The following PKHD1 variants were observed in gnomAD, a reference collection of about 807,000 sequenced individuals.
PKHD1 encodes the protein PKHD1 ciliary IPT domain containing fibrocystin/polyductin, also known as fibrocystin.
A neutral mutation model predicts 412.0 loss-of-function variants in PKHD1; 291 were observed. The observed-to-expected ratio is 0.71, with a 90% CI of 0.64 to 0.78. The LOEUF is 0.78. Among genes scored for constraint, PKHD1 ranks in the 30% least tolerant of loss-of-function variants. The pLI is 0.00. For synonymous variants in PKHD1, 1,777 were observed against 1,821.5 expected (o/e 0.98, Z 0.62); for missense variants, 4,825 against 4,950.7 (o/e 0.97, Z 0.76).
intron 57 of PKHD1, 102 bp from the exon 58 acceptor site, chr6:51,748,767 T>G: frequency 1.1e-6 from 1 of 943,674 alleles, no homozygotes; most frequent in Non-Finnish European, 1.7e-6. Context: ...TTAATGAAAA[T>G]GTAAGTTTAT....
intron 32 of PKHD1, among the ~76,000 whole-genome samples, chr6:52,024,138 G>A (rs1042279025): frequency 2.0e-5 from 3 of 152,148 alleles, no homozygotes; most frequent in Non-Finnish European, 4.4e-5. Context: ...GCTTATTATT[G>A]TTGAAATATG....
rs1278944159 is a variant in PKHD1 at position 52,017,646 on chromosome 6, C to T, written c.5381-17G>A. The T allele has an allele frequency of 1.3e-6, 2 of 1,599,070 alleles. No individual in the cohort carries two copies. The highest frequency in any genetic ancestry group is 1.3e-5 in the African/African-American group (1 of 74,706). On this transcript the variant is annotated splice_polypyrimidine_tract_variant and intron_variant, in intron 33 of 66. Coordinates refer to ENST00000371117, the MANE Select transcript of PKHD1 (RefSeq NM_138694.4). ...CCAAGGACACTGCAGGAAACAGTCA[C>T]CATTAGGAAAGAACCACAGAGAGAA... is the stretch of plus-strand genomic sequence containing the variant.
chr6:52,015,732 G>A (rs1800441397), intron 34 of PKHD1, among the ~76,000 whole-genome samples: 1 of 151,982 alleles, frequency 6.6e-6, no homozygotes, highest in African/African-American at 2.4e-5. Context: ...GCTGAGGCAG[G>A]AGAATGGCTT....
At chr6:51,794,425 C>T (rs188438773) in intron 52 of PKHD1, among the ~76,000 whole-genome samples, 6 of 152,144 alleles carry the variant, frequency 3.9e-5, no homozygotes, top group Non-Finnish European at 5.9e-5. Flanking sequence ...GGATATTAGA[C>T]GTTTGTCAGA....
At chr6:51,926,908 A>G (rs1467561907) in intron 37 of PKHD1, among the ~76,000 whole-genome samples, 4 of 152,188 alleles carry the variant, frequency 2.6e-5, no homozygotes, top group Non-Finnish European at 1.5e-5. Context: ...TGCTCAAAAG[A>G]GAGAAACACT....
intron 36 of PKHD1, among the ~76,000 whole-genome samples, chr6:51,941,632 C>T (rs1218351723): frequency 6.6e-6 from 1 of 151,668 alleles, no homozygotes; most frequent in Non-Finnish European, 1.5e-5. Context: ...ACAAGGCTTA[C>T]AGGTTAGTTC....
chr6:51,926,127 G>A (rs1418098540), intron 37 of PKHD1, among the ~76,000 whole-genome samples: 2 of 152,164 alleles, frequency 1.3e-5, no homozygotes, highest in Admixed American at 1.3e-4. Context: ...AAGGAGCAAT[G>A]TCAAACGGTG....
intron 2 of PKHD1, 23 bp downstream of exon 2, chr6:52,084,859 C>G: frequency 6.8e-7 from 1 of 1,466,468 alleles, no homozygotes; most frequent in Non-Finnish European, 9.6e-7. Flanking sequence ...ACCTATAATT[C>G]CTTCAAAACA....
chr6:51,750,291 C>T (rs1327253465), intron 57 of PKHD1, among the ~76,000 whole-genome samples: 1 of 152,158 alleles, frequency 6.6e-6, no homozygotes, highest in African/African-American at 2.4e-5. Context: ...ATTTCTTGGG[C>T]AATATCCCTC....
At chr6:52,080,070 C>G in intron 4 of PKHD1, 62 bp from the exon 5 acceptor site, 1 of 926,236 alleles carries the variant, frequency 1.1e-6, no homozygotes, top group South Asian at 1.3e-5. Context: ...AGCTAGCAGC[C>G]CACTTGCCAC....
intron 11 of PKHD1, among the ~76,000 whole-genome samples, chr6:52,066,579 C>T (rs1809739099): frequency 6.6e-6 from 1 of 152,114 alleles, no homozygotes; most frequent in African/African-American, 2.4e-5. Flanking sequence ...CACCTCATAC[C>T]CAGTTCTTTC....
intron 21 of PKHD1, 102 bp from the exon 22 acceptor site, chr6:52,050,397 C>T: frequency 1.8e-6 from 2 of 1,134,594 alleles, no homozygotes; most frequent in Non-Finnish European, 2.7e-6. Context: ...TCTCAGTACA[C>T]ACCTAAAGCA....
intron 37 of PKHD1, among the ~76,000 whole-genome samples, chr6:51,913,576 C>G (rs1271377233): frequency 1.3e-5 from 2 of 152,098 alleles, no homozygotes; most frequent in African/African-American, 4.8e-5. Flanking sequence ...ACATTTCCTT[C>G]CTCTTTTGCA....
rs1308246554 is a variant in PKHD1 at position 51,659,961 on chromosome 6, T to C, written c.10165A>G (p.Arg3389Gly). Reference protein sequence around the residue: ...TASFFNAGTFREEQKCTYQFL... With the variant: ...TASFFNAGTFGEEQKCTYQFL... ...TGGTATGTACATTTCTGTTCTTCTC[T>C]AAATGTACCTATAAAAGAAAAGAAG... is the stretch of plus-strand genomic sequence containing the variant. Residue 3389 changes from arginine to glycine, a missense_variant, in exon 61 of 67, where the codon AGA becomes GGA. Transcript: ENST00000371117. 1.9e-6 allele frequency: 3 copies of C among 1,591,436 alleles called. No individual in the cohort carries two copies. The highest frequency in any genetic ancestry group is 2.6e-6 in the Non-Finnish European group (3 of 1,160,092).
At chr6:52,050,702 TCAGAGGCATACA>T (rs1476365412) in intron 21 of PKHD1, among the ~76,000 whole-genome samples, 1 of 152,148 alleles carries the variant, frequency 6.6e-6, no homozygotes, top group African/African-American at 2.4e-5. Context: ...AGCACTGAAC[TCAGAGGCATACA>T]CAGGGGCACT....
chr6:52,076,364 T>A, intron 5 of PKHD1, 31 bp from the exon 6 acceptor site: 1 of 1,562,424 alleles, frequency 6.4e-7, no homozygotes, highest in Non-Finnish European at 8.8e-7. Context: ...CAAGTGAGCA[T>A]GTCATTAAAA....
intron 48 of PKHD1, among the ~76,000 whole-genome samples, chr6:51,856,823 A>T (rs1233559606): frequency 2.0e-5 from 3 of 152,218 alleles, no homozygotes; most frequent in Non-Finnish European, 4.4e-5. Flanking sequence ...CCCCTTTCTT[A>T]TTGGTATCCT....
intron 65 of PKHD1, among the ~76,000 whole-genome samples, chr6:51,630,104 A>G (rs913700447): frequency 6.6e-6 from 1 of 152,192 alleles, no homozygotes; most frequent in African/African-American, 2.4e-5. Flanking sequence ...CATGGATAAA[A>G]GCTCCATTCA....
intron 43 of PKHD1, among the ~76,000 whole-genome samples, chr6:51,903,282 G>C (rs558522082): frequency 6.6e-6 from 1 of 152,146 alleles, no homozygotes; most frequent in Non-Finnish European, 1.5e-5. Flanking sequence ...CACTAACGCT[G>C]CCACCTTAAA....
Sources: allele counts gnomAD v4.1 joint callset (sites outside exome capture counted in the v4.1 genomes callset), GRCh38; gene constraint gnomAD v4.1.1; transcripts MANE v1.5; gene names NCBI Gene and HGNC (gene_info 2026-07-23, HGNC 2026-07-21).